Variants in KIAA1614 observed in about 807,000 individuals in gnomAD.
The protein encoded by KIAA1614 is uncharacterized protein KIAA1614.
In KIAA1614, 76 loss-of-function variants were observed where a neutral mutation model predicts 88.7. The observed-to-expected ratio is 0.86, with a 90% CI of 0.71 to 1.04. The LOEUF (loss-of-function observed/expected upper bound fraction) is 1.04, where lower values mean the gene tolerates loss of function less well. Ranked by LOEUF, KIAA1614 falls within the 50% of genes least tolerant of loss-of-function variation. KIAA1614 has a pLI of 0.00. For synonymous variants in KIAA1614, 714 were observed against 675.5 expected (o/e 1.06, Z -0.88); for missense variants, 1,553 against 1,582.5 (o/e 0.98, Z 0.32).
chr1:180,932,579 A>G (rs1451220255), intron 4 of KIAA1614, among the ~76,000 whole-genome samples: 2 of 152,158 alleles, frequency 1.3e-5, no homozygotes, highest in Non-Finnish European at 2.9e-5. Flanking sequence ...GCCCTGGCTG[A>G]ATGTGAGTTC....
intron 3 of KIAA1614, among the ~76,000 whole-genome samples, chr1:180,923,102 G>T (rs1283131868): frequency 1.3e-5 from 2 of 152,200 alleles, no homozygotes; most frequent in Non-Finnish European, 2.9e-5. Context: ...GGGAGATGGG[G>T]CACCACCCCC....
intron 7 of KIAA1614, among the ~76,000 whole-genome samples, chr1:180,943,027 G>GTTTTTTTTTTTTTTTTTTT (rs1261396134): frequency 1.8e-4 from 4 of 22,324 alleles, no homozygotes; most frequent in African/African-American, 3.8e-4. Flanking sequence ...TAGTTTTTTG[G>GTTTTTTTTTTTTTTTTTTT]GTTTTTTTTT....
intron 4 of KIAA1614, among the ~76,000 whole-genome samples, chr1:180,933,992 C>A (rs1012937608): frequency 6.6e-6 from 1 of 152,186 alleles, no homozygotes; most frequent in Non-Finnish European, 1.5e-5. Flanking sequence ...CGGTGGCTCA[C>A]GCCTGTAATC....
intron 3 of KIAA1614, among the ~76,000 whole-genome samples, chr1:180,927,761 G>T (rs1654102003): frequency 6.6e-6 from 1 of 152,150 alleles, no homozygotes; most frequent in Non-Finnish European, 1.5e-5. Flanking sequence ...TATTATGAAA[G>T]TCGAACCACT....
At chr1:180,924,873 G>C (rs1163614505) in intron 3 of KIAA1614, among the ~76,000 whole-genome samples, 1 of 15,866 alleles carries the variant, frequency 6.3e-5, no homozygotes, top group African/African-American at 1.0e-4. Context: ...ACAAAACAAT[G>C]GTGCTAATGA....
At chr1:180,938,745 G>A in intron 6 of KIAA1614, 34 bp downstream of exon 6, 2 of 1,608,180 alleles carry the variant, frequency 1.2e-6, no homozygotes, top group Non-Finnish European at 1.7e-6. Context: ...GATTGCAGAA[G>A]GAGGTGGGAA....
At position 180,916,326 on chromosome 1, in the gene KIAA1614, G is replaced by T. The variant is rs780024649; in HGVS notation, c.223G>T (p.Val75Leu). 1 of 1,614,108 alleles carries T rather than the reference G, an allele frequency of 6.2e-7. No individual in the cohort carries two copies. The highest frequency in any genetic ancestry group is 8.5e-7 in the Non-Finnish European group (1 of 1,180,004). The stretch of plus-strand genomic sequence containing the variant: ...CCCCCAGCCTCCCAGGGTATGGGGA[G>T]TACAGCTCCAGGGCCCCTCTGTGCT... ...MAPQPPRVWGVQLQGPSVLES... is the reference protein window; with the variant it reads ...MAPQPPRVWGLQLQGPSVLES... Residue 75 changes from valine to leucine, a missense_variant, in exon 2 of 9, where the codon GTA (valine) becomes TTA (leucine). Transcript: ENST00000367588.
At position 180,936,570 on chromosome 1, in the gene KIAA1614, G is replaced by C; in HGVS notation, c.2661G>C (p.Arg887=). The C allele has an allele frequency of 6.2e-7, 1 of 1,613,500 alleles. No homozygotes were observed. The highest frequency in any genetic ancestry group is 8.5e-7 in the Non-Finnish European group (1 of 1,179,960). ...STNNCNNSAP[R]GLQEPYGGAV... is the part of the protein sequence containing the mutation. Reference sequence around the variant, plus strand: ...ACAACTGCAACAACAGCGCACCTCGGGGGCTGCAGGAGCCCTACGGGGGAG... The same window carrying C: ...ACAACTGCAACAACAGCGCACCTCGCGGGCTGCAGGAGCCCTACGGGGGAG... The change falls in exon 5 of 9, where the codon CGG becomes CGC. Residue 887 remains arginine (R), a synonymous_variant. Coordinates refer to ENST00000367588, the MANE Select transcript of KIAA1614 (RefSeq NM_020950.2).
chr1:180,936,426 T>C lies in KIAA1614; in HGVS notation c.2517T>C (p.Pro839=). 1.2e-6 allele frequency: 2 copies of C among 1,614,194 alleles called. No individual in the cohort carries two copies. Among genetic ancestry groups the C allele is most frequent in the Non-Finnish European group, 8.5e-7 (1 of 1,180,030 alleles). Residue 839 remains proline (P), a synonymous_variant, in exon 5 of 9, where the codon CCT becomes CCC. Transcript: ENST00000367588. ...TCAGGCTGGGTGACCAGACAGAGCCTGTGGGTATCCCTCGGCCTCCTTCAA... is the reference window on the plus strand; with the variant it reads ...TCAGGCTGGGTGACCAGACAGAGCCCGTGGGTATCCCTCGGCCTCCTTCAA... ...GLLRLGDQTE[P]VGIPRPPSRS...
At chr1:180,914,310 C>T (rs1214750049) in intron 1 of KIAA1614, among the ~76,000 whole-genome samples, 1 of 152,234 alleles carries the variant, frequency 6.6e-6, no homozygotes, top group Non-Finnish European at 1.5e-5. Flanking sequence ...AAACATCAGC[C>T]ATGCTGCTAA....
At position 180,944,393 on chromosome 1, in the gene KIAA1614, C is replaced by T; in HGVS notation, c.3164C>T (p.Ser1055Leu). ...ATATTGTCCCTTTCTCATCAGGTGT[C>T]ACCCTCTCACCAGCGTCGGAAAGCT... ...APSLQSLHPV[S>L]PSHQRRKAAS... The change falls in exon 8 of 9, where the codon TCA (serine) becomes TTA (leucine). Residue 1055 changes from serine to leucine, a missense_variant. Transcript: ENST00000367588. 1 of 1,613,424 alleles carries T rather than the reference C, an allele frequency of 6.2e-7. No homozygotes were observed. The highest frequency in any genetic ancestry group is 8.5e-7 in the Non-Finnish European group (1 of 1,179,598).
chr1:180,930,794 G>A lies in KIAA1614; in HGVS notation c.1205+2221G>A, dbSNP rs185011898. Among the ~76,000 whole-genome samples, 182 of 152,340 alleles carry A rather than the reference G, an allele frequency of 1.2e-3. 1 individual carries two copies. Among genetic ancestry groups the A allele is most frequent in the African/African-American group, 3.9e-3 (161 of 41,572 alleles). On this transcript the variant is annotated intron_variant, in intron 4 of 8. Coordinates refer to ENST00000367588, the MANE Select transcript of KIAA1614 (RefSeq NM_020950.2). ...ATTACTGTGACTTGGCAGCGCTGGC[G>A]AATCCTCAGAGGGTATAGCTGAAAA...
At position 180,916,969 on chromosome 1, in the gene KIAA1614, G is replaced by C. The variant is rs781106519; in HGVS notation, c.866G>C (p.Ser289Thr). The part of the protein sequence containing the change: ...GDLEALGAGS[S>T]VLSLSDRVER... ...CTGGAGGCTCTGGGCGCTGGGAGCA[G>C]TGTCTTGTCCCTGTCTGATCGGGTG... The change falls in exon 2 of 9, where the codon AGT becomes ACT. Residue 289 changes from serine to threonine, a missense_variant. Physicochemically the swap from Ser to Thr is moderately conservative, Grantham distance 58. Coordinates refer to ENST00000367588, the MANE Select transcript of KIAA1614 (RefSeq NM_020950.2). The C allele has an allele frequency of 5.0e-6, 8 of 1,614,224 alleles. No individual in the cohort carries two copies. Among genetic ancestry groups the C allele is most frequent in the Non-Finnish European group, 6.8e-6 (8 of 1,180,048 alleles).
chr1:180,941,006 GCCCTCCCCCGCC>G lies in KIAA1614; in HGVS notation c.2919-33_2919-22del. The G allele has an allele frequency of 2.2e-6, 2 of 908,426 alleles. 1 individual carries two copies. The allele number at this position is 908,426 out of a possible 1,614,324, so 56.3% of individuals were successfully genotyped here. On this transcript the variant is annotated intron_variant, in intron 6 of 8. Transcript: ENST00000367588. The stretch of plus-strand genomic sequence containing the variant: ...TACAGTCTCCCTGGCCACCCTCCCG[GCCCTCCCCCGCC>G]CCCTCACCTCCACCCTTGTGTTTCA...
chr1:180,930,014 G>A (rs1654158978), intron 4 of KIAA1614, among the ~76,000 whole-genome samples: 1 of 152,202 alleles, frequency 6.6e-6, no homozygotes, highest in Admixed American at 6.5e-5. Context: ...TGACCCTTAG[G>A]AGAGGGGCTC....
intron 3 of KIAA1614, among the ~76,000 whole-genome samples, chr1:180,925,168 A>G (rs2331901): frequency 0.23 from 35,063 of 152,090 alleles, 4,517 homozygotes; most frequent in East Asian, 0.47. Context: ...AGACCTGGGA[A>G]GAAGGGACCT....
chr1:180,917,506 G>A (rs1324590468), intron 2 of KIAA1614, among the ~76,000 whole-genome samples: 1 of 152,094 alleles, frequency 6.6e-6, no homozygotes, highest in Non-Finnish European at 1.5e-5. Flanking sequence ...AGGAGGCTGG[G>A]CGTTCTAGCA....
chr1:180,941,067 G>A lies in KIAA1614; in HGVS notation c.2941G>A (p.Gly981Arg). The A allele has an allele frequency of 7.5e-7, 1 of 1,339,536 alleles. No individual in the cohort carries two copies. The highest frequency in any genetic ancestry group is 1.6e-5 in the African/African-American group (1 of 61,582). The allele number at this position is 1,339,536 out of a possible 1,614,324, so 83.0% of individuals were successfully genotyped here. ...LSRASAGAGT[G>R]PGSPSAAPLD... The stretch of plus-strand genomic sequence containing the variant: ...CAGAGCATCAGCAGGAGCTGGCACA[G>A]GACCCGGCTCCCCCTCGGCTGCCCC... Residue 981 changes from glycine to arginine, a missense_variant, in exon 7 of 9, where the codon GGA (glycine) becomes AGA (arginine). Physicochemically the swap from Gly to Arg is moderately radical, Grantham distance 125. Coordinates refer to ENST00000367588, the MANE Select transcript of KIAA1614 (RefSeq NM_020950.2).
chr1:180,927,768 C>T (rs540956105), intron 3 of KIAA1614, among the ~76,000 whole-genome samples: 2 of 152,282 alleles, frequency 1.3e-5, no homozygotes, highest in African/African-American at 4.8e-5. Flanking sequence ...AAAGTCGAAC[C>T]ACTTGCTGGC....
Sources: gnomAD v4.1 joint callset for allele counts (sites outside exome capture counted in the v4.1 genomes callset) on GRCh38, gnomAD v4.1.1 for gene constraint, MANE v1.5 for transcripts, NCBI Gene and HGNC (gene_info 2026-07-23, HGNC 2026-07-21) for gene names.